The following LARGE1 variants were observed in gnomAD, a reference collection of about 807,000 sequenced individuals.
The protein encoded by LARGE1 is xylosyl- and glucuronyltransferase LARGE1.
In LARGE1, 43 loss-of-function variants were observed where a neutral mutation model predicts 87.6. The observed-to-expected ratio is 0.49, with a 90% CI of 0.38 to 0.63. The LOEUF (loss-of-function observed/expected upper bound fraction) is 0.63, where lower values mean the gene tolerates loss of function less well. Among genes scored for constraint, LARGE1 ranks in the 30% least tolerant of loss-of-function variants. The pLI, the probability that LARGE1 is intolerant of heterozygous loss-of-function variation, is 0.00. For missense variants in LARGE1, 802 were observed against 1,000.2 expected (o/e 0.80, Z 2.67); for synonymous variants, 434 against 394.6 (o/e 1.10, Z -1.18).
chr22:33,692,286 G>A (rs1276549499), intron 2 of LARGE1, among the ~76,000 whole-genome samples: 1 of 151,136 alleles, frequency 6.6e-6, no homozygotes. Context: ...CAGTAACACG[G>A]CCTTCCCCAA....
intron 1 of LARGE1, among the ~76,000 whole-genome samples, chr22:33,901,224 G>A (rs2065274758): frequency 1.3e-5 from 2 of 152,268 alleles, no homozygotes; most frequent in South Asian, 2.1e-4. Context: ...GGTTCTCACC[G>A]AGAGCCACTG....
Position 33,283,401 on chromosome 22 carries a change from G to T in LARGE1, c.1731-53C>A. 4 of 1,606,370 alleles carry T rather than the reference G, an allele frequency of 2.5e-6. No homozygotes were observed. In the South Asian group the frequency reaches 3.3e-5, roughly 13 times the overall value. The stretch of plus-strand genomic sequence containing the variant: ...AGAGTCCCTGTGACACCAGGCCAAG[G>T]TCTTTCCCCCATGAGGGCGGGGTGG... On this transcript the variant is annotated intron_variant, in intron 12 of 14. Transcript: ENST00000397394.
intron 7 of LARGE1, among the ~76,000 whole-genome samples, chr22:33,387,093 G>A (rs2065349205): frequency 6.9e-6 from 1 of 145,246 alleles, no homozygotes; most frequent in African/African-American, 2.5e-5. Context: ...AACTGAGCAA[G>A]ACTCCATCTC....
intron 7 of LARGE1, among the ~76,000 whole-genome samples, chr22:33,427,062 T>A (rs753594446): frequency 6.6e-6 from 1 of 152,210 alleles, no homozygotes; most frequent in Non-Finnish European, 1.5e-5. Flanking sequence ...AAGATATTCA[T>A]CCGTCAGCTT....
chr22:33,104,937 TTCTTTCTTTCTCTTTC>T, the LARGE1 span, among the ~76,000 whole-genome samples: 26 of 117,444 alleles, frequency 2.2e-4, no homozygotes, highest in African/African-American at 5.4e-4. Context: ...CTTTCTTTCT[TTCTTTCTTTCTCTTTC>T]TCTCTTTCTC....
At chr22:33,657,262 T>TAC (rs1238546999) in intron 2 of LARGE1, 4 of 152,208 alleles carry the variant, frequency 2.6e-5, no homozygotes, top group Admixed American at 1.3e-4. Flanking sequence ...ATAAAGACAC[T>TAC]ACATCCCTAA....
the LARGE1 span, among the ~76,000 whole-genome samples, chr22:33,140,333 G>T: frequency 6.6e-6 from 1 of 152,010 alleles, no homozygotes; most frequent in Non-Finnish European, 1.5e-5. Flanking sequence ...GTGCAGTGGG[G>T]AGAAAAGGGG....
At chr22:33,302,706 A>G (rs1449720827) in intron 12 of LARGE1, among the ~76,000 whole-genome samples, 4 of 152,166 alleles carry the variant, frequency 2.6e-5, no homozygotes, top group Non-Finnish European at 5.9e-5. Context: ...GAGAGAAAGA[A>G]ATCAGACCTT....
chr22:33,429,737 T>C (rs546893544), intron 7 of LARGE1, among the ~76,000 whole-genome samples: 6 of 152,094 alleles, frequency 3.9e-5, no homozygotes, highest in South Asian at 2.1e-4. Context: ...CCCAGAAACA[T>C]AGGTGTCTCC....
intron 5 of LARGE1, among the ~76,000 whole-genome samples, chr22:33,585,990 C>A (rs1006909806): frequency 3.0e-4 from 45 of 152,220 alleles, no homozygotes; most frequent in Non-Finnish European, 1.2e-4. Context: ...TGAGCCACTG[C>A]ACCCGGCCCA....
intron 13 of LARGE1, among the ~76,000 whole-genome samples, chr22:33,282,776 A>G (rs1187602379): frequency 6.6e-6 from 1 of 152,146 alleles, no homozygotes; most frequent in African/African-American, 2.4e-5. Flanking sequence ...ACCACAAATA[A>G]AAAGGAAAAC....
the LARGE1 span, among the ~76,000 whole-genome samples, chr22:33,094,286 C>T: frequency 2.6e-5 from 4 of 152,190 alleles, no homozygotes; most frequent in African/African-American, 9.6e-5. Flanking sequence ...CTCCACTGTC[C>T]TCATTAGAGG....
At chr22:33,568,572 GC>G (rs968220899) in intron 5 of LARGE1, among the ~76,000 whole-genome samples, 19 of 152,116 alleles carry the variant, frequency 1.2e-4, no homozygotes, top group African/African-American at 4.3e-4. Flanking sequence ...TTCGAGACCA[GC>G]CTGAACAACA....
intron 1 of LARGE1, among the ~76,000 whole-genome samples, chr22:33,913,387 AAAGT>A (rs2065693046): frequency 6.6e-6 from 1 of 152,218 alleles, no homozygotes; most frequent in Non-Finnish European, 1.5e-5. Flanking sequence ...TAATCTGCCA[AAAGT>A]AAGTAAGTGA....
At chr22:33,614,192 G>A (rs773345135) in intron 4 of LARGE1, among the ~76,000 whole-genome samples, 2 of 152,056 alleles carry the variant, frequency 1.3e-5, no homozygotes, top group Non-Finnish European at 2.9e-5. Context: ...GATCACAATA[G>A]CTCCTACCTT....
intron 10 of LARGE1, among the ~76,000 whole-genome samples, chr22:33,320,274 T>G (rs1244747391): frequency 6.6e-6 from 1 of 152,106 alleles, no homozygotes; most frequent in Non-Finnish European, 1.5e-5. Context: ...TCCGTGACTT[T>G]GTTCCGTGCC....
chr22:33,718,989 A>G (rs1338935987), intron 2 of LARGE1, among the ~76,000 whole-genome samples: 1 of 152,048 alleles, frequency 6.6e-6, no homozygotes, highest in Non-Finnish European at 1.5e-5. Flanking sequence ...GAGTTTCACC[A>G]TGTTGGCCAG....
chr22:33,230,920 C>G (rs1925974588), intron 11 of LARGE1, among the ~76,000 whole-genome samples: 1 of 152,218 alleles, frequency 6.6e-6, no homozygotes, highest in South Asian at 2.1e-4. Flanking sequence ...GATTGACATT[C>G]TAGGCCTTTC....
intron 13 of LARGE1, among the ~76,000 whole-genome samples, chr22:33,278,591 A>G (rs529485398): frequency 3.5e-4 from 53 of 152,062 alleles, no homozygotes; most frequent in Admixed American, 5.2e-4. Flanking sequence ...ACACACACGC[A>G]GATATTGTTT....
Sources: gnomAD v4.1 joint callset for allele counts (sites outside exome capture counted in the v4.1 genomes callset) on GRCh38, gnomAD v4.1.1 for gene constraint, MANE v1.5 for transcripts, NCBI Gene and HGNC (gene_info 2026-07-23, HGNC 2026-07-21) for gene names.